The following FAM20A variants were observed in gnomAD, a reference collection of about 807,000 sequenced individuals.
The protein encoded by FAM20A is pseudokinase FAM20A.
Under a neutral mutation model 52.0 loss-of-function variants are expected in FAM20A, and 42 were observed. The observed-to-expected ratio is 0.81, with a 90% CI of 0.63 to 1.04. The LOEUF is 1.04. Ranked by LOEUF, FAM20A falls within the 50% of genes least tolerant of loss-of-function variation. The pLI is 0.00. For synonymous variants in FAM20A, 304 were observed against 298.9 expected (o/e 1.02, Z -0.18); for missense variants, 742 against 712.7 (o/e 1.04, Z -0.47).
intron 4 of FAM20A, among the ~76,000 whole-genome samples, chr17:68,546,103 A>G (rs1449800925): frequency 1.4e-5 from 2 of 141,562 alleles, no homozygotes; most frequent in African/African-American, 5.2e-5. Flanking sequence ...CAGGAGGCAG[A>G]GGTTGCAGTG....
Position 68,569,121 on chromosome 17 carries a change from AT to A in FAM20A, c.405-13379del, listed in dbSNP as rs376810743. Reference sequence around the variant, plus strand: ...TCCCTCTAGCCTTGCTTTGGATGAGATTGCATCCACACCCCCCAGCTTCAAT... The same window carrying A: ...TCCCTCTAGCCTTGCTTTGGATGAGATGCATCCACACCCCCCAGCTTCAAT... On this transcript the variant is annotated intron_variant, in intron 1 of 10. Transcript: ENST00000592554. Among the ~76,000 whole-genome samples the A allele has an allele frequency of 6.7e-3, 1,024 of 151,764 alleles. 14 individuals carry two copies. The highest frequency in any genetic ancestry group is 0.024 in the African/African-American group (979 of 41,142).
Position 68,535,972 on chromosome 17 carries a change from TG to T in FAM20A, c.*1504del. On this transcript the variant is annotated 3_prime_UTR_variant, in exon 11 of 11. Coordinates refer to ENST00000592554, the MANE Select transcript of FAM20A (RefSeq NM_017565.4). ...AAGTTCTTCCATGCACATTGGAGGA[TG>T]GGGGTTGTATCTGTGTTTGAGAGGA... 2.2e-6 allele frequency: 1 copy of T among 454,122 alleles called. No individual in the cohort carries two copies. Among genetic ancestry groups the T allele is most frequent in the South Asian group, 1.6e-5 (1 of 64,476 alleles). The allele number at this position is 454,122 out of a possible 1,614,324, so 28.1% of individuals were successfully genotyped here.
At position 68,536,592 on chromosome 17, in the gene FAM20A, G is replaced by A. The variant is rs1187303749; in HGVS notation, c.*885C>T. On this transcript the variant is annotated 3_prime_UTR_variant, in exon 11 of 11. Coordinates refer to ENST00000592554, the MANE Select transcript of FAM20A (RefSeq NM_017565.4). ...ATAGCCCCTTTCTTCTTTTGGGGAT[G>A]GGCCGGGGACAATCCTGGGGTCTTA... 2.2e-6 allele frequency: 1 copy of A among 453,688 alleles called. No individual in the cohort carries two copies. Among genetic ancestry groups the A allele is most frequent in the Non-Finnish European group, 4.4e-6 (1 of 226,654 alleles). 28.1% of individuals were successfully genotyped at this position (453,688 alleles called of 1,614,324 possible). A position where few individuals can be genotyped will look rare whatever the true frequency, so the allele number is the denominator to read the frequency against.
intron 10 of FAM20A, 88 bp downstream of exon 10, chr17:68,539,249 A>T: frequency 7.4e-7 from 1 of 1,345,228 alleles, no homozygotes; most frequent in South Asian, 1.2e-5. Flanking sequence ...GACCAGTGAA[A>T]ACTGGAAGCC....
chr17:68,537,568 C>T lies in FAM20A; in HGVS notation c.1535G>A (p.Cys512Tyr), dbSNP rs2143441208. ...ACTCTGCTGTCCATGGGCCACTATG[C>T]ACCCCTCCACTGTCCTTAGGATGGT... ...LQTILRTVEG[C>Y]IVAHGQQSVI... is the part of the protein sequence containing the mutation. Residue 512 changes from cysteine to tyrosine, a missense_variant, in exon 11 of 11, where the codon TGC (cysteine) becomes TAC (tyrosine). Cys to Tyr is a radical substitution (Grantham distance 194). Transcript: ENST00000592554. The surrounding 1 kb of genome is among the most constrained non-coding windows in gnomAD (Gnocchi z 4.2). 1 of 1,613,206 alleles carries T rather than the reference C, an allele frequency of 6.2e-7. No individual in the cohort carries two copies. Among genetic ancestry groups the T allele is most frequent in the Non-Finnish European group, 8.5e-7 (1 of 1,179,322 alleles).
At chr17:68,556,588 G>T (rs1482249042) in intron 1 of FAM20A, among the ~76,000 whole-genome samples, 1 of 151,776 alleles carries the variant, frequency 6.6e-6, no homozygotes, top group African/African-American at 2.4e-5. Context: ...AGGGGGGGTG[G>T]TTTGGCTTGA....
At chr17:68,572,877 C>T (rs2087604436) in intron 1 of FAM20A, among the ~76,000 whole-genome samples, 1 of 152,118 alleles carries the variant, frequency 6.6e-6, no homozygotes, top group Non-Finnish European at 1.5e-5. Context: ...TCTCTGTGTC[C>T]TAGAGGCCAA....
intron 1 of FAM20A, among the ~76,000 whole-genome samples, chr17:68,578,570 C>T (rs1420054883): frequency 6.6e-6 from 1 of 152,060 alleles, no homozygotes; most frequent in Non-Finnish European, 1.5e-5. Flanking sequence ...CGGAATTTTA[C>T]CCACCCCTGT....
rs117323660 is a variant in FAM20A, at chr17:68,558,199, G to A, written c.405-2456C>T. On this transcript the variant is annotated intron_variant, in intron 1 of 10. Coordinates refer to ENST00000592554, the MANE Select transcript of FAM20A (RefSeq NM_017565.4). The stretch of plus-strand genomic sequence containing the variant: ...CCCGGCTGAAGCCAGCAAGGAAATG[G>A]GGGCAAGGAACTGAATTCTACCAAC... 6.3e-3 allele frequency: 1,606 copies of A among 256,606 alleles called. 16 individuals are homozygous for A. Among genetic ancestry groups the A allele is most frequent in the Middle Eastern group, 0.021 (13 of 620 alleles). The allele number at this position is 256,606 out of a possible 1,614,324, so 15.9% of individuals were successfully genotyped here.
chr17:68,539,259 C>T (rs867364658), intron 10 of FAM20A, 78 bp downstream of exon 10: 1 of 1,450,864 alleles, frequency 6.9e-7, no homozygotes, highest in Non-Finnish European at 9.7e-7. Flanking sequence ...AACTGGAAGC[C>T]CTTCAGACCT....
chr17:68,554,883 A>G, intron 2 of FAM20A, 56 bp from the exon 3 acceptor site: 1 of 1,576,360 alleles, frequency 6.3e-7, no homozygotes, highest in Non-Finnish European at 8.7e-7. Context: ...GGGAGAGCCT[A>G]CAACATGGAG....
rs554479987 is a variant in FAM20A at position 68,548,605 on chromosome 17, GA to G, written c.719+3267del. 3.3e-5 allele frequency among the ~76,000 whole-genome samples: 5 copies of G among 152,112 alleles called. No homozygotes were observed. The South Asian group carries it at 1.0e-3, about 32-fold the overall frequency. ...ACACAAAGTGGGCACATGCTGTTGG[GA>G]AAATGACACCGATAGACTTGCTTGA... is the stretch of plus-strand genomic sequence containing the variant. On this transcript the variant is annotated intron_variant, in intron 4 of 10. Coordinates refer to ENST00000592554, the MANE Select transcript of FAM20A (RefSeq NM_017565.4).
At chr17:68,594,326 G>A (rs1205563810) in intron 1 of FAM20A, among the ~76,000 whole-genome samples, 8 of 151,806 alleles carry the variant, frequency 5.3e-5, no homozygotes, top group Non-Finnish European at 1.0e-4. Context: ...GTGAACCCGG[G>A]AGGCGGAGCT....
At chr17:68,539,234 T>C (rs562896303) in intron 10 of FAM20A, 103 bp downstream of exon 10, 10 of 1,094,878 alleles carry the variant, frequency 9.1e-6, no homozygotes, top group Non-Finnish European at 1.4e-5. Flanking sequence ...CCCACTTACG[T>C]CCTGGACCAG....
chr17:68,584,230 T>C (rs2088099225), intron 1 of FAM20A, among the ~76,000 whole-genome samples: 1 of 151,890 alleles, frequency 6.6e-6, no homozygotes, highest in Non-Finnish European at 1.5e-5. Flanking sequence ...GGCAGGAGAA[T>C]CACTTGAATC....
chr17:68,559,427 G>GTA lies in FAM20A; in HGVS notation c.405-3686_405-3685dup, dbSNP rs535351073. On this transcript the variant is annotated intron_variant, in intron 1 of 10. Coordinates refer to ENST00000592554, the MANE Select transcript of FAM20A (RefSeq NM_017565.4). ...CCTTCCTTTTAAGGAAAGAGAAAAAGTATATATCACAAAAATAAAGCACAA... is the reference window on the plus strand; with the variant it reads ...CCTTCCTTTTAAGGAAAGAGAAAAAGTATATATATCACAAAAATAAAGCACAA... Among the ~76,000 whole-genome samples, 308 of 152,290 alleles carry GTA rather than the reference G, an allele frequency of 2.0e-3. 1 individual carries two copies. The highest frequency in any genetic ancestry group is 6.3e-3 in the African/African-American group (261 of 41,564).
In FAM20A at chr17:68,550,970, G is replaced by A. The variant is rs1271103399; in HGVS notation, c.719+903C>T. On this transcript the variant is annotated intron_variant, in intron 4 of 10. Transcript: ENST00000592554. ...CTCTCAATGGGCCTCCCCTTGAATG[G>A]CTGAAGGTTTGGAATCTGCCAGTCT... 5.3e-6 allele frequency: 5 copies of A among 948,998 alleles called. 1 individual carries two copies. Among genetic ancestry groups the A allele is most frequent in the East Asian group, 6.6e-5 (2 of 30,398 alleles). 58.8% of individuals were successfully genotyped at this position (948,998 alleles called of 1,614,324 possible). A position where few individuals can be genotyped will look rare whatever the true frequency, so the allele number is the denominator to read the frequency against.
At chr17:68,564,621 G>A (rs1234505381) in intron 1 of FAM20A, among the ~76,000 whole-genome samples, 1 of 152,190 alleles carries the variant, frequency 6.6e-6, no homozygotes, top group African/African-American at 2.4e-5. Context: ...TGGTCTCTTG[G>A]TGTGCAGACT....
intron 6 of FAM20A, 91 bp from the exon 7 acceptor site, chr17:68,542,256 G>A (rs2086334000): frequency 3.6e-6 from 5 of 1,386,670 alleles, no homozygotes; most frequent in Non-Finnish European, 5.1e-6. Flanking sequence ...GGAGGGAAGG[G>A]AAACCCTGAA....
Sources: allele counts gnomAD v4.1 joint callset (sites outside exome capture counted in the v4.1 genomes callset), GRCh38; gene constraint gnomAD v4.1.1; non-coding constraint Gnocchi (gnomAD v3.1); transcripts MANE v1.5; gene names NCBI Gene and HGNC (gene_info 2026-07-23, HGNC 2026-07-21).